SIRPA: variants seen among roughly 807,000 people sequenced by gnomAD.
The protein encoded by SIRPA is tyrosine-protein phosphatase non-receptor type substrate 1.
In SIRPA, 9 loss-of-function variants were observed where a neutral mutation model predicts 50.3. The observed-to-expected ratio is 0.18, with a 90% CI of 0.11 to 0.31. The LOEUF is 0.31. SIRPA is among the 10% of genes least tolerant of loss of function. SIRPA has a pLI of 1.00. For synonymous variants in SIRPA, 265 were observed against 284.1 expected, an observed-to-expected ratio of 0.93 and a Z score of 0.68; for missense variants, 474 against 661.6, an observed-to-expected ratio of 0.72 and a Z score of 3.11.
In SIRPA at chr20:1,927,973, A is replaced by G. The variant is rs1476189048; in HGVS notation, c.1226+74A>G. On this transcript the variant is annotated intron_variant, in intron 6 of 7. Transcript: ENST00000358771. The surrounding 1 kb of genome is among the most constrained non-coding windows in gnomAD (Gnocchi z 6.5). Reference sequence around the variant, plus strand: ...TTGACAGCCCCCCAGACTACAAAGCATAATCCATGTCCACTGACCTCACCA... The same window carrying G: ...TTGACAGCCCCCCAGACTACAAAGCGTAATCCATGTCCACTGACCTCACCA... 6 of 1,286,954 alleles carry G rather than the reference A, an allele frequency of 4.7e-6. No individual in the cohort carries two copies. The Admixed American group carries it at 5.0e-5, about 11-fold the overall frequency. The allele number at this position is 1,286,954 out of a possible 1,614,324, so 79.7% of individuals were successfully genotyped here.
intron 1 of SIRPA, among the ~76,000 whole-genome samples, chr20:1,908,660 G>T (rs556490186): frequency 6.6e-6 from 1 of 152,076 alleles, no homozygotes; most frequent in Non-Finnish European, 1.5e-5. Context: ...ATGTACACAC[G>T]TGTGTTCTCG....
Position 1,924,678 on chromosome 20 carries a change from C to T in SIRPA, c.1088-86C>T. The T allele has an allele frequency of 1.9e-6, 2 of 1,065,056 alleles. No homozygotes were observed. The highest frequency in any genetic ancestry group is 2.9e-6 in the Non-Finnish European group (2 of 693,434). 66.0% of individuals were successfully genotyped at this position (1,065,056 alleles called of 1,614,324 possible). On this transcript the variant is annotated intron_variant, in intron 4 of 7. Transcript: ENST00000358771. The surrounding 1 kb of genome is among the most constrained non-coding windows in gnomAD (Gnocchi z 4.5). ...AGCCAGATGTTCTCAGTTAATGATG[C>T]CTGCTTAGTGGTGAAAAGCAGTGGT...
chr20:1,904,233 A>C (rs1406855937), intron 1 of SIRPA, among the ~76,000 whole-genome samples: 1 of 152,210 alleles, frequency 6.6e-6, no homozygotes, highest in Non-Finnish European at 1.5e-5. Flanking sequence ...GGATAGGAGG[A>C]GGCGGCCAAG....
chr20:1,915,065 G>C, intron 1 of SIRPA, 34 bp from the exon 2 acceptor site: 2 of 1,450,368 alleles, frequency 1.4e-6, no homozygotes, highest in East Asian at 2.4e-5. Flanking sequence ...ATCACGTAAG[G>C]ATGAAAAAAT....
rs2122954115 is a variant in SIRPA, at chr20:1,898,206, C to T, written c.79+2680C>T. Among the ~76,000 whole-genome samples, 1 of 152,338 alleles carries T rather than the reference C, an allele frequency of 6.6e-6. No individual in the cohort carries two copies. Among genetic ancestry groups the T allele is most frequent in the Middle Eastern group, 3.4e-3 (1 of 294 alleles). The stretch of plus-strand genomic sequence containing the variant: ...GGTAGAGGGTGGCACTCTGGGGGCT[C>T]CTCTGTACTTTCCTAAATGGTAAAG... On this transcript the variant is annotated intron_variant, in intron 1 of 7. Transcript: ENST00000358771. This position sits in a 1 kb window ranked among gnomAD's most constrained non-coding sequence, Gnocchi z 4.3.
intron 1 of SIRPA, among the ~76,000 whole-genome samples, chr20:1,908,386 C>G (rs1984675932): frequency 6.6e-6 from 1 of 152,082 alleles, no homozygotes; most frequent in South Asian, 2.1e-4. Context: ...ATACACACCA[C>G]ACTCACGTGC....
intron 5 of SIRPA, among the ~76,000 whole-genome samples, chr20:1,926,242 C>T (rs1339203933): frequency 2.6e-5 from 4 of 152,264 alleles, no homozygotes; most frequent in Admixed American, 2.6e-4. Context: ...AAGACGTCTA[C>T]CCAATGGGTT....
chr20:1,899,981 C>T (rs569198224), intron 1 of SIRPA, among the ~76,000 whole-genome samples: 4 of 152,042 alleles, frequency 2.6e-5, no homozygotes, highest in East Asian at 1.9e-4. Context: ...ACAATTGGGA[C>T]GGATTTTCAT....
At chr20:1,912,274 C>T (rs903757470) in intron 1 of SIRPA, among the ~76,000 whole-genome samples, 2 of 152,224 alleles carry the variant, frequency 1.3e-5, no homozygotes, top group Non-Finnish European at 2.9e-5. Flanking sequence ...CCTCCTGCTC[C>T]CTCACCAACT....
At chr20:1,904,822 C>G (rs1338936891) in intron 1 of SIRPA, among the ~76,000 whole-genome samples, 1 of 152,162 alleles carries the variant, frequency 6.6e-6, no homozygotes, top group Non-Finnish European at 1.5e-5. Flanking sequence ...GATGCTCCAG[C>G]CTGCATGTCC....
intron 2 of SIRPA, among the ~76,000 whole-genome samples, chr20:1,919,291 T>C (rs1432034642): frequency 6.6e-6 from 1 of 152,242 alleles, no homozygotes; most frequent in Non-Finnish European, 1.5e-5. Flanking sequence ...TCTAAAGTTT[T>C]TAATTAATCC....
At position 1,939,281 on chromosome 20, in the gene SIRPA, C is replaced by A. The variant is rs1202665863; in HGVS notation, c.*1713C>A. On this transcript the variant is annotated 3_prime_UTR_variant, in exon 8 of 8. Coordinates refer to ENST00000358771, the MANE Select transcript of SIRPA (RefSeq NM_001040023.2). The surrounding 1 kb of genome is among the most constrained non-coding windows in gnomAD (Gnocchi z 4.7). ...CAGGCTGTAAAAGTAGCTGAGCCATCCTGCCCATTCCTGGAGGTCCTACAG... is the reference window on the plus strand; with the variant it reads ...CAGGCTGTAAAAGTAGCTGAGCCATACTGCCCATTCCTGGAGGTCCTACAG... The A allele has an allele frequency of 6.6e-6, 1 of 152,244 alleles. No individual in the cohort carries two copies. The highest frequency in any genetic ancestry group is 1.5e-5 in the Non-Finnish European group (1 of 68,056). 9.4% of individuals were successfully genotyped at this position (152,244 alleles called of 1,614,324 possible).
rs1261140568 is a variant in SIRPA, at chr20:1,933,572, G to T, written c.1227-1143G>T. On this transcript the variant is annotated intron_variant, in intron 6 of 7. Coordinates refer to ENST00000358771, the MANE Select transcript of SIRPA (RefSeq NM_001040023.2). This position sits in a 1 kb window ranked among gnomAD's most constrained non-coding sequence, Gnocchi z 4.4. Reference sequence around the variant, plus strand: ...CAGGAGGGCTGGAGGCCAGTAGTGTGGGGACAGATCTGCGTGATCTTCCCC... The same window carrying T: ...CAGGAGGGCTGGAGGCCAGTAGTGTTGGGACAGATCTGCGTGATCTTCCCC... Among the ~76,000 whole-genome samples the T allele has an allele frequency of 1.3e-5, 2 of 152,158 alleles. No individual in the cohort carries two copies. Among genetic ancestry groups the T allele is most frequent in the Admixed American group, 1.3e-4 (2 of 15,270 alleles).
intron 2 of SIRPA, among the ~76,000 whole-genome samples, chr20:1,919,951 C>T (rs929573055): frequency 7.7e-5 from 10 of 129,808 alleles, no homozygotes; most frequent in African/African-American, 2.6e-4. Context: ...TGTGTAGATT[C>T]GGAAGCAGTA....
chr20:1,921,659 C>G lies in SIRPA; in HGVS notation c.701C>G (p.Thr234Ser), dbSNP rs748980816. ...SQVICEVAHV[T>S]LQGDPLRGTA... is the part of the protein sequence containing the mutation. ...GTCATCTGCGAGGTGGCCCACGTCA[C>G]CTTGCAGGGGGACCCTCTTCGTGGG... The change falls in exon 3 of 8, where the codon ACC becomes AGC. Residue 234 changes from threonine to serine, a missense_variant. Around this residue, in one of 4 missense-constraint regions of SIRPA, gnomAD observed 221 missense variants for 359.9 expected, o/e 0.61. Transcript: ENST00000358771. The G allele has an allele frequency of 1.2e-6, 2 of 1,614,186 alleles. No individual in the cohort carries two copies. The highest frequency in any genetic ancestry group is 1.7e-6 in the Non-Finnish European group (2 of 1,180,020).
At chr20:1,926,179 T>G (rs1263124630) in intron 5 of SIRPA, among the ~76,000 whole-genome samples, 2 of 152,186 alleles carry the variant, frequency 1.3e-5, no homozygotes, top group African/African-American at 4.8e-5. Context: ...TGCTTCTGTC[T>G]GGGAGGGTTG....
At position 1,927,943 on chromosome 20, in the gene SIRPA, G is replaced by A. The variant is rs1216567887; in HGVS notation, c.1226+44G>A. ...CAGACCCTCTTGCAGTTATTATTTG[G>A]TTATTTGACAGCCCCCCAGACTACA... On this transcript the variant is annotated intron_variant, in intron 6 of 7. Coordinates refer to ENST00000358771, the MANE Select transcript of SIRPA (RefSeq NM_001040023.2). The surrounding 1 kb of genome is among the most constrained non-coding windows in gnomAD (Gnocchi z 6.5). 43 of 1,560,234 alleles carry A rather than the reference G, an allele frequency of 2.8e-5. 1 individual carries two copies. The South Asian group carries it at 4.0e-4, about 15-fold the overall frequency.
upstream of SIRPA, chr20:1,895,208 C>G (rs1983705262): frequency 2.6e-6 from 1 of 383,172 alleles, no homozygotes; most frequent in Non-Finnish European, 4.6e-6. Flanking sequence ...CTTTATTTCT[C>G]GCGCGCTTGG....
rs1037396504 is a variant in SIRPA, at chr20:1,934,503, A to T, written c.1227-212A>T. ...AAGATCCTTGCCAATAGAGTAGGTT[A>T]AAAAAATGATAGTGCATTGCTTAGA... On this transcript the variant is annotated intron_variant, in intron 6 of 7. Coordinates refer to ENST00000358771, the MANE Select transcript of SIRPA (RefSeq NM_001040023.2). This position sits in a 1 kb window ranked among gnomAD's most constrained non-coding sequence, Gnocchi z 4.6. 7.2e-5 allele frequency among the ~76,000 whole-genome samples: 11 copies of T among 152,132 alleles called. No homozygotes were observed. The highest frequency in any genetic ancestry group is 1.6e-4 in the Non-Finnish European group (11 of 68,028).
Sources: gnomAD v4.1 joint callset for allele counts (sites outside exome capture counted in the v4.1 genomes callset) on GRCh38, gnomAD v4.1.1 for gene constraint, gnomAD v4.1.1 regional missense constraint, Gnocchi (gnomAD v3.1) non-coding constraint, MANE v1.5 for transcripts, NCBI Gene and HGNC (gene_info 2026-07-23, HGNC 2026-07-21) for gene names.